Variants in ZDHHC14 observed in about 807,000 individuals in gnomAD.
ZDHHC14 encodes zDHHC palmitoyltransferase 14, also known as palmitoyltransferase ZDHHC14.
ZDHHC14 carries 16 observed loss-of-function variants against 47.7 expected under a neutral mutation model. The ratio of observed to expected loss-of-function variants is 0.34; its 90% CI spans 0.23 to 0.51. The LOEUF is 0.51. Among genes scored for constraint, ZDHHC14 ranks in the 20% least tolerant of loss-of-function variants. ZDHHC14 has a pLI of 0.97. For missense variants in ZDHHC14, 515 were observed against 662.5 expected, an observed-to-expected ratio of 0.78 and a Z score of 2.44; for synonymous variants, 293 against 278.9, an observed-to-expected ratio of 1.05 and a Z score of -0.50.
At chr6:157,526,860 G>A (rs1171773041) in intron 1 of ZDHHC14, among the ~76,000 whole-genome samples, 1 of 152,194 alleles carries the variant, frequency 6.6e-6, no homozygotes, top group African/African-American at 2.4e-5. Flanking sequence ...CAGGGACCTG[G>A]GTAGATGTTA....
chr6:157,617,242 C>A (rs1054069006), intron 3 of ZDHHC14, among the ~76,000 whole-genome samples: 5 of 152,138 alleles, frequency 3.3e-5, no homozygotes, highest in African/African-American at 9.7e-5. Flanking sequence ...TACATATTTG[C>A]ATTTCTTTGC....
In ZDHHC14 at chr6:157,463,869, A is replaced by G. The variant is rs1779150418; in HGVS notation, c.246-78716A>G. ...GTGAAACCCCATCTCTACAAAAAAT[A>G]CAAAAATTAGCCAGGCATTGTGGCT... On this transcript the variant is annotated intron_variant, in intron 1 of 8. Coordinates refer to ENST00000359775, the MANE Select transcript of ZDHHC14 (RefSeq NM_024630.3). The surrounding 1 kb of genome is among the most constrained non-coding windows in gnomAD (Gnocchi z 4.4). Among the ~76,000 whole-genome samples the G allele has an allele frequency of 6.6e-6, 1 of 152,140 alleles. No individual in the cohort carries two copies. The highest frequency in any genetic ancestry group is 2.1e-4 in the South Asian group (1 of 4,824).
chr6:157,501,866 TAC>T, intron 1 of ZDHHC14, among the ~76,000 whole-genome samples: 1 of 152,210 alleles, frequency 6.6e-6, no homozygotes, highest in African/African-American at 2.4e-5. Flanking sequence ...AATGATGCCT[TAC>T]TTCTCCTAAA....
At chr6:157,641,222 A>G (rs1164987145) in intron 5 of ZDHHC14, among the ~76,000 whole-genome samples, 2 of 152,102 alleles carry the variant, frequency 1.3e-5, no homozygotes, top group African/African-American at 2.4e-5. Context: ...GTGTATCTCT[A>G]TGTGCACATA....
At chr6:157,636,586 G>A (rs752775398) in intron 5 of ZDHHC14, among the ~76,000 whole-genome samples, 41 of 152,088 alleles carry the variant, frequency 2.7e-4, no homozygotes, top group Admixed American at 1.6e-3. Flanking sequence ...CTCCTGCCTG[G>A]GAAAAGGAGA....
intron 1 of ZDHHC14, among the ~76,000 whole-genome samples, chr6:157,428,825 G>A (rs1352392253): frequency 6.6e-6 from 1 of 152,202 alleles, no homozygotes; most frequent in Non-Finnish European, 1.5e-5. Flanking sequence ...GCAGTCAGAG[G>A]TCTCAGCTCC....
intron 8 of ZDHHC14, among the ~76,000 whole-genome samples, chr6:157,655,953 G>A (rs1778069922): frequency 1.3e-5 from 2 of 152,246 alleles, no homozygotes; most frequent in East Asian, 1.9e-4. Flanking sequence ...TCACCAGGAA[G>A]CCACTTCAGG....
intron 1 of ZDHHC14, among the ~76,000 whole-genome samples, chr6:157,470,022 C>T (rs1779316783): frequency 6.6e-6 from 1 of 152,218 alleles, no homozygotes; most frequent in South Asian, 2.1e-4. Flanking sequence ...CTAACACTTA[C>T]TTGAAAGTGT....
intron 3 of ZDHHC14, among the ~76,000 whole-genome samples, chr6:157,595,174 A>ATTTT (rs777568494): frequency 6.4e-5 from 4 of 62,702 alleles, no homozygotes; most frequent in Middle Eastern, 9.3e-3. Context: ...TCTAGGCTAG[A>ATTTT]TTTTTTTTTT....
At chr6:157,605,125 A>C (rs1276369190) in intron 3 of ZDHHC14, among the ~76,000 whole-genome samples, 1 of 152,252 alleles carries the variant, frequency 6.6e-6, no homozygotes, top group Non-Finnish European at 1.5e-5. Flanking sequence ...GATAGTGAAT[A>C]ATAACCCATG....
Position 157,382,185 on chromosome 6 carries a change from T to A in ZDHHC14, c.164T>A (p.Ile55Asn). ...AACAAGTTCTTCTGTAACGGGAGGA[T>A]CATGATGGCCCGGCAGACGGGCGTC... ...GRNKFFCNGR[I>N]MMARQTGVFY... is the part of the protein sequence containing the mutation. Residue 55 changes from isoleucine to asparagine, a missense_variant, in exon 1 of 9, where the codon ATC (isoleucine) becomes AAC (asparagine). Ile to Asn is a moderately radical substitution (Grantham distance 149, BLOSUM62 -3). Around this residue, in one of 4 missense-constraint regions of ZDHHC14, gnomAD observed 6 missense variants for 19.7 expected, o/e 0.31. Transcript: ENST00000359775. 1 of 1,613,638 alleles carries A rather than the reference T, an allele frequency of 6.2e-7. No homozygotes were observed.
intron 1 of ZDHHC14, among the ~76,000 whole-genome samples, chr6:157,509,756 G>A (rs1780415619): frequency 6.6e-6 from 1 of 152,184 alleles, no homozygotes; most frequent in Admixed American, 6.5e-5. Context: ...TTCATTCATA[G>A]GATTGGTTCA....
At chr6:157,518,136 G>C (rs1406107700) in intron 1 of ZDHHC14, among the ~76,000 whole-genome samples, 1 of 152,160 alleles carries the variant, frequency 6.6e-6, no homozygotes, top group East Asian at 1.9e-4. Flanking sequence ...TCCCTCCGTG[G>C]AAGGCCTAAT....
At chr6:157,386,500 T>G (rs1483019028) in intron 1 of ZDHHC14, among the ~76,000 whole-genome samples, 1 of 152,176 alleles carries the variant, frequency 6.6e-6, no homozygotes, top group Admixed American at 6.5e-5. Context: ...TGGATTTCAT[T>G]TTTGTTTTTG....
At position 157,427,527 on chromosome 6, in the gene ZDHHC14, G is replaced by A. The variant is rs1778246524; in HGVS notation, c.245+45261G>A. On this transcript the variant is annotated intron_variant, in intron 1 of 8. Coordinates refer to ENST00000359775, the MANE Select transcript of ZDHHC14 (RefSeq NM_024630.3). The surrounding 1 kb of genome is among the most constrained non-coding windows in gnomAD (Gnocchi z 4.4). Reference sequence around the variant, plus strand: ...TCACTCAGGGTTGGAGTTTAACAGAGCAAATGCAGGACCAGGAGGCTGGAA... The same window carrying A: ...TCACTCAGGGTTGGAGTTTAACAGAACAAATGCAGGACCAGGAGGCTGGAA... Among the ~76,000 whole-genome samples, 1 of 152,230 alleles carries A rather than the reference G, an allele frequency of 6.6e-6. No homozygotes were observed. The highest frequency in any genetic ancestry group is 3.4e-3 in the Middle Eastern group (1 of 294).
Position 157,540,601 on chromosome 6 carries a change from G to A in ZDHHC14, c.246-1984G>A, listed in dbSNP as rs187023252. On this transcript the variant is annotated intron_variant, in intron 1 of 8. Transcript: ENST00000359775. Reference sequence around the variant, plus strand: ...TCCTAACCGGGTCTGTCTGGTTCACGTTGTCCAGCTGTGCCCTCGCTGAAA... The same window carrying A: ...TCCTAACCGGGTCTGTCTGGTTCACATTGTCCAGCTGTGCCCTCGCTGAAA... Among the ~76,000 whole-genome samples, 287 of 152,220 alleles carry A rather than the reference G, an allele frequency of 1.9e-3. 1 individual carries two copies. Among genetic ancestry groups the A allele is most frequent in the Non-Finnish European group, 2.9e-3 (197 of 68,020 alleles).
intron 1 of ZDHHC14, among the ~76,000 whole-genome samples, chr6:157,432,777 T>C (rs1339882327): frequency 6.6e-6 from 1 of 152,198 alleles, no homozygotes; most frequent in Admixed American, 6.5e-5. Flanking sequence ...GAGCCACCTG[T>C]TTCAACCTAT....
intron 2 of ZDHHC14, among the ~76,000 whole-genome samples, chr6:157,563,187 T>C (rs1782775436): frequency 6.6e-6 from 1 of 152,172 alleles, no homozygotes; most frequent in African/African-American, 2.4e-5. Flanking sequence ...GGCAGCCAGG[T>C]TGACTCAAGG....
chr6:157,506,941 AT>A (rs67517993), intron 1 of ZDHHC14, among the ~76,000 whole-genome samples: 21,913 of 152,008 alleles, frequency 0.14, 1,777 homozygotes, highest in Non-Finnish European at 0.17. Flanking sequence ...TTAAAGTAAC[AT>A]ATAGTTTAAA....
Sources: allele counts gnomAD v4.1 joint callset (sites outside exome capture counted in the v4.1 genomes callset), GRCh38; gene constraint gnomAD v4.1.1; regional missense constraint gnomAD v4.1.1; non-coding constraint Gnocchi (gnomAD v3.1); transcripts MANE v1.5; gene names NCBI Gene and HGNC (gene_info 2026-07-23, HGNC 2026-07-21).